KCNQ3: variants seen among roughly 807,000 people sequenced by gnomAD.
The protein encoded by KCNQ3 is potassium voltage-gated channel subfamily Q member 3.
A neutral mutation model predicts 92.5 loss-of-function variants in KCNQ3; 30 were observed. That is an observed-to-expected ratio of 0.32 (90% CI 0.24 to 0.44). The LOEUF is 0.44. KCNQ3 is among the 20% of genes least tolerant of loss of function. KCNQ3 has a pLI of 1.00. For synonymous variants in KCNQ3, 450 were observed against 468.8 expected (o/e 0.96, Z 0.52); for missense variants, 913 against 1,140.3 (o/e 0.80, Z 2.87).
chr8:132,349,785 C>G (rs1818804814), intron 1 of KCNQ3, among the ~76,000 whole-genome samples: 1 of 152,238 alleles, frequency 6.6e-6, no homozygotes, highest in South Asian at 2.1e-4. Flanking sequence ...CAGCCAGGAT[C>G]AGCAGAACCA....
chr8:132,247,270 A>G (rs1158854347), intron 1 of KCNQ3, among the ~76,000 whole-genome samples: 1 of 152,178 alleles, frequency 6.6e-6, no homozygotes, highest in Non-Finnish European at 1.5e-5. Flanking sequence ...TATCTGCACA[A>G]TGAAGCTAGA....
At chr8:132,357,736 C>T (rs1251007491) in intron 1 of KCNQ3, among the ~76,000 whole-genome samples, 1 of 152,204 alleles carries the variant, frequency 6.6e-6, no homozygotes, top group Non-Finnish European at 1.5e-5. Flanking sequence ...GTCTTCCTTG[C>T]TCAAAACCCA....
At chr8:132,337,587 G>A (rs1453397125) in intron 1 of KCNQ3, among the ~76,000 whole-genome samples, 1 of 152,124 alleles carries the variant, frequency 6.6e-6, no homozygotes, top group Non-Finnish European at 1.5e-5. Flanking sequence ...AGAAGGGCTG[G>A]TACCAACAGG....
At chr8:132,408,055 CTCAT>C (rs1337941334) in intron 1 of KCNQ3, among the ~76,000 whole-genome samples, 1 of 152,080 alleles carries the variant, frequency 6.6e-6, no homozygotes, top group Non-Finnish European at 1.5e-5. Context: ...TTATTACTGA[CTCAT>C]TCAGTCAGCC....
chr8:132,149,421 T>G (rs1825565508), intron 9 of KCNQ3, among the ~76,000 whole-genome samples: 1 of 152,114 alleles, frequency 6.6e-6, no homozygotes, highest in Non-Finnish European at 1.5e-5. Flanking sequence ...CCGTAACCCC[T>G]CTCCCTTCAA....
chr8:132,288,689 GT>G (rs369618233), intron 1 of KCNQ3, among the ~76,000 whole-genome samples: 195 of 151,208 alleles, frequency 1.3e-3, no homozygotes, highest in Middle Eastern at 6.8e-3. Flanking sequence ...TTGTATGGGT[GT>G]TTTTTTTTCT....
In KCNQ3 at chr8:132,371,783, A is replaced by G. The variant is rs1210725375; in HGVS notation, c.386+108364T>C. Among the ~76,000 whole-genome samples, 8 of 152,202 alleles carry G rather than the reference A, an allele frequency of 5.3e-5. No homozygotes were observed. In the South Asian group the frequency reaches 8.3e-4, roughly 16 times the overall value. On this transcript the variant is annotated intron_variant, in intron 1 of 14. Transcript: ENST00000388996. Reference sequence around the variant, plus strand: ...CATCCTCCCAAGCACTAGCTCCAACATGAACAGTCAATAATTCCAAAGTAA... The same window carrying G: ...CATCCTCCCAAGCACTAGCTCCAACGTGAACAGTCAATAATTCCAAAGTAA...
chr8:132,182,317 C>A (rs1452254843), intron 3 of KCNQ3, among the ~76,000 whole-genome samples: 2 of 152,222 alleles, frequency 1.3e-5, no homozygotes, highest in Admixed American at 1.3e-4. Context: ...TCTGACCCAT[C>A]TTCACTCAAA....
chr8:132,373,404 C>T (rs1459229841), intron 1 of KCNQ3, among the ~76,000 whole-genome samples: 2 of 152,156 alleles, frequency 1.3e-5, no homozygotes, highest in African/African-American at 2.4e-5. Context: ...ATATGACATA[C>T]TAAGAATCAT....
chr8:132,396,145 G>A (rs1349027842), intron 1 of KCNQ3, among the ~76,000 whole-genome samples: 2 of 152,104 alleles, frequency 1.3e-5, no homozygotes, highest in African/African-American at 2.4e-5. Context: ...CTTCATTTCC[G>A]ACCCAGGCAG....
chr8:132,242,438 T>C (rs1330792260), intron 1 of KCNQ3, among the ~76,000 whole-genome samples: 2 of 152,116 alleles, frequency 1.3e-5, no homozygotes, highest in African/African-American at 4.8e-5. Flanking sequence ...TGCTTAGAGG[T>C]GTCAATGCAC....
chr8:132,408,836 G>A (rs539893248), intron 1 of KCNQ3, among the ~76,000 whole-genome samples: 187 of 152,236 alleles, frequency 1.2e-3, no homozygotes, highest in Middle Eastern at 0.01. Flanking sequence ...AAGATAACAA[G>A]GCCTCGGTCC....
chr8:132,262,653 C>A (rs2130474651), intron 1 of KCNQ3, among the ~76,000 whole-genome samples: 1 of 123,472 alleles, frequency 8.1e-6, no homozygotes, highest in African/African-American at 2.8e-5. Flanking sequence ...TTTTTTTTAC[C>A]ATGATATACT....
intron 1 of KCNQ3, among the ~76,000 whole-genome samples, chr8:132,244,494 T>C (rs911561894): frequency 2.6e-5 from 4 of 152,004 alleles, no homozygotes; most frequent in Non-Finnish European, 5.9e-5. Context: ...AAATATTCTG[T>C]CCCTAAAATA....
intron 1 of KCNQ3, among the ~76,000 whole-genome samples, chr8:132,412,941 C>G (rs1360150944): frequency 6.6e-6 from 1 of 152,222 alleles, no homozygotes; most frequent in Non-Finnish European, 1.5e-5. Context: ...GTCCCATCCA[C>G]CACCTCCCAA....
At chr8:132,448,985 G>A (rs181707561) in intron 1 of KCNQ3, among the ~76,000 whole-genome samples, 10 of 152,304 alleles carry the variant, frequency 6.6e-5, no homozygotes, top group Non-Finnish European at 1.0e-4. Context: ...GCCACGGTAC[G>A]GCAGGAAGAG....
intron 1 of KCNQ3, among the ~76,000 whole-genome samples, chr8:132,472,686 T>C (rs955436584): frequency 6.6e-6 from 1 of 152,130 alleles, no homozygotes; most frequent in Admixed American, 6.5e-5. Flanking sequence ...TAAGTTCTAA[T>C]GTTTAATATC....
chr8:132,203,850 T>G (rs889815600), intron 1 of KCNQ3, among the ~76,000 whole-genome samples: 2 of 152,250 alleles, frequency 1.3e-5, no homozygotes, highest in Admixed American at 6.5e-5. Context: ...GATTGTTATT[T>G]TTATTATCAC....
chr8:132,441,867 C>T (rs1167856916), intron 1 of KCNQ3, among the ~76,000 whole-genome samples: 2 of 152,102 alleles, frequency 1.3e-5, no homozygotes, highest in African/African-American at 4.8e-5. Context: ...AAATGTGGTA[C>T]ATATACACCA....
Sources: gnomAD v4.1 joint callset for allele counts (sites outside exome capture counted in the v4.1 genomes callset) on GRCh38, gnomAD v4.1.1 for gene constraint, MANE v1.5 for transcripts, NCBI Gene and HGNC (gene_info 2026-07-23, HGNC 2026-07-21) for gene names.